CCNY: variants seen among roughly 807,000 people sequenced by gnomAD.
CCNY encodes the protein cyclin Y, also known as cyclin-Y.
In CCNY, 19 loss-of-function variants were observed where a neutral mutation model predicts 42.8. The ratio of observed to expected loss-of-function variants is 0.44; its 90% CI spans 0.31 to 0.65. CCNY has a LOEUF of 0.65. Among genes scored for constraint, CCNY ranks in the 30% least tolerant of loss-of-function variants. The pLI is 0.07. For missense variants in CCNY, 370 were observed against 437.3 expected, an observed-to-expected ratio of 0.85 and a Z score of 1.37; for synonymous variants, 165 against 162.7, an observed-to-expected ratio of 1.01 and a Z score of -0.11.
At chr10:35,411,393 A>G (rs1343232608) in intron 1 of CCNY, among the ~76,000 whole-genome samples, 3 of 151,466 alleles carry the variant, frequency 2.0e-5, no homozygotes, top group Non-Finnish European at 4.4e-5. Flanking sequence ...CGTGCCTGTG[A>G]TCTCGGCTAC....
intron 1 of CCNY, among the ~76,000 whole-genome samples, chr10:35,465,018 CCT>C (rs1300991799): frequency 9.2e-5 from 14 of 152,140 alleles, no homozygotes; most frequent in Non-Finnish European, 1.5e-4. Context: ...CTAATTCATG[CCT>C]CTCAGGAGAG....
chr10:35,540,985 C>T (rs1214047656), intron 7 of CCNY, among the ~76,000 whole-genome samples: 1 of 151,940 alleles, frequency 6.6e-6, no homozygotes, highest in East Asian at 1.9e-4. Context: ...CATTGATTTT[C>T]TCTCGTTTTA....
chr10:35,260,296 G>A (rs1018414851), intron 3 of CCNY, among the ~76,000 whole-genome samples: 3 of 152,142 alleles, frequency 2.0e-5, no homozygotes, highest in Admixed American at 6.6e-5. Flanking sequence ...CTTACATTTG[G>A]GTTAAAGCAC....
At chr10:35,372,843 G>T (rs1769156772) in intron 1 of CCNY, among the ~76,000 whole-genome samples, 1 of 152,170 alleles carries the variant, frequency 6.6e-6, no homozygotes, top group African/African-American at 2.4e-5. Flanking sequence ...GGCGTTACAG[G>T]CGCCTGCCAC....
intron 1 of CCNY, among the ~76,000 whole-genome samples, chr10:35,441,631 C>G (rs1838671648): frequency 6.6e-6 from 1 of 152,142 alleles, no homozygotes; most frequent in Admixed American, 6.6e-5. Flanking sequence ...GCCTGTAGTC[C>G]TAGCTACTTG....
At chr10:35,298,936 G>A (rs1381627104) in intron 3 of CCNY, among the ~76,000 whole-genome samples, 1 of 152,136 alleles carries the variant, frequency 6.6e-6, no homozygotes, top group Admixed American at 6.5e-5. Flanking sequence ...AATCATTTAT[G>A]TGTATGTTTT....
intron 1 of CCNY, among the ~76,000 whole-genome samples, chr10:35,449,362 A>C (rs1838865464): frequency 6.6e-6 from 1 of 152,032 alleles, no homozygotes; most frequent in Non-Finnish European, 1.5e-5. Context: ...GGGCATCTCT[A>C]GTAAGATAAG....
At chr10:35,487,916 A>G (rs1037627847) in intron 2 of CCNY, among the ~76,000 whole-genome samples, 1 of 152,156 alleles carries the variant, frequency 6.6e-6, no homozygotes, top group African/African-American at 2.4e-5. Context: ...CTTGTGGGGA[A>G]GAATTGTAGT....
In CCNY at chr10:35,350,693, T is replaced by C. The variant is rs191896864; in HGVS notation, c.154+13486T>C. On this transcript the variant is annotated intron_variant, in intron 1 of 9. Coordinates refer to ENST00000374704, the MANE Select transcript of CCNY (RefSeq NM_145012.6). Reference sequence around the variant, plus strand: ...AGAAAAACCCTTGGTTTGTTGCATCTCTGTTGCACTGTTGAGGAAAAATAG... The same window carrying C: ...AGAAAAACCCTTGGTTTGTTGCATCCCTGTTGCACTGTTGAGGAAAAATAG... 2.9e-3 allele frequency among the ~76,000 whole-genome samples: 449 copies of C among 152,352 alleles called. 3 individuals carry two copies. The highest frequency in any genetic ancestry group is 0.01 in the African/African-American group (433 of 41,574).
At chr10:35,294,130 A>G (rs1835445503) in intron 3 of CCNY, among the ~76,000 whole-genome samples, 2 of 152,214 alleles carry the variant, frequency 1.3e-5, no homozygotes, top group Non-Finnish European at 2.9e-5. Context: ...CTGAAACTTT[A>G]CAGAACTCAT....
At chr10:35,478,623 T>C (rs1435422649) in intron 1 of CCNY, among the ~76,000 whole-genome samples, 1 of 152,210 alleles carries the variant, frequency 6.6e-6, no homozygotes, top group African/African-American at 2.4e-5. Flanking sequence ...CCTTACACCT[T>C]ATGCAAAAAT....
At chr10:35,376,653 C>G (rs1837058135) in intron 1 of CCNY, among the ~76,000 whole-genome samples, 2 of 152,148 alleles carry the variant, frequency 1.3e-5, no homozygotes, top group African/African-American at 4.8e-5. Flanking sequence ...AGCCTTTAAT[C>G]CAGAACATTT....
chr10:35,555,812 A>G (rs893199148), intron 8 of CCNY, among the ~76,000 whole-genome samples: 1 of 152,206 alleles, frequency 6.6e-6, no homozygotes, highest in Non-Finnish European at 1.5e-5. Flanking sequence ...CTTAATATCA[A>G]GAATTGTTTT....
At chr10:35,249,212 G>T (rs1341720912) in intron 2 of CCNY, among the ~76,000 whole-genome samples, 1 of 152,172 alleles carries the variant, frequency 6.6e-6, no homozygotes, top group Non-Finnish European at 1.5e-5. Flanking sequence ...AAAGTGCTGA[G>T]GTTACAGGTG....
chr10:35,442,396 A>G (rs969265541), intron 1 of CCNY, among the ~76,000 whole-genome samples: 2 of 152,246 alleles, frequency 1.3e-5, no homozygotes, highest in African/African-American at 4.8e-5. Context: ...TCAGGCTCAT[A>G]GTGTGGTGGG....
intron 1 of CCNY, among the ~76,000 whole-genome samples, chr10:35,429,662 T>A (rs1209143965): frequency 6.6e-6 from 1 of 152,208 alleles, no homozygotes; most frequent in Admixed American, 6.5e-5. Flanking sequence ...CTAGTTCAGT[T>A]GCTGGTATGT....
At chr10:35,263,599 G>A (rs991544574) in intron 3 of CCNY, among the ~76,000 whole-genome samples, 2 of 151,208 alleles carry the variant, frequency 1.3e-5, no homozygotes, top group Non-Finnish European at 2.9e-5. Flanking sequence ...GAAAGGAAAG[G>A]GACAGAAGGA....
intron 3 of CCNY, among the ~76,000 whole-genome samples, chr10:35,303,709 G>A (rs1388164020): frequency 3.4e-5 from 5 of 148,690 alleles, no homozygotes; most frequent in Non-Finnish European, 1.5e-5. Flanking sequence ...CCTGGGAGGC[G>A]GAGGTTGCGG....
intron 4 of CCNY, among the ~76,000 whole-genome samples, chr10:35,524,679 A>G (rs1840616697): frequency 1.3e-5 from 2 of 152,262 alleles, no homozygotes; most frequent in Non-Finnish European, 2.9e-5. Flanking sequence ...GGAAGTATCT[A>G]GACAGTTTTT....
Sources: gnomAD v4.1 joint callset for allele counts (sites outside exome capture counted in the v4.1 genomes callset) on GRCh38, gnomAD v4.1.1 for gene constraint, MANE v1.5 for transcripts, NCBI Gene and HGNC (gene_info 2026-07-23, HGNC 2026-07-21) for gene names.